SPICE1: variants seen among roughly 807,000 people sequenced by gnomAD.
SPICE1 encodes the protein spindle and centriole associated protein 1.
SPICE1 carries 75 observed loss-of-function variants against 102.7 expected under a neutral mutation model. The ratio of observed to expected loss-of-function variants is 0.73; its 90% CI spans 0.61 to 0.88. The LOEUF is 0.88. Ranked by LOEUF, SPICE1 falls within the 40% of genes least tolerant of loss-of-function variation. The pLI is 0.00. For synonymous variants in SPICE1, 308 were observed against 350.3 expected (o/e 0.88, Z 1.35); for missense variants, 979 against 1,020.1 (o/e 0.96, Z 0.55).
chr3:113,453,794 C>G lies in SPICE1; in HGVS notation c.1814G>C (p.Arg605Thr). Residue 605 changes from arginine (R) to threonine (T), a missense_variant, in exon 14 of 18, where the codon AGA becomes ACA. Coordinates refer to ENST00000295872, the MANE Select transcript of SPICE1 (RefSeq NM_144718.4). ...CAAATCTTCTCCCATGTGAGAGACTCTCCATCTCTGAGTGAAGAGACGATT... is the reference window on the plus strand; with the variant it reads ...CAAATCTTCTCCCATGTGAGAGACTGTCCATCTCTGAGTGAAGAGACGATT... ...EENRLFTQRW[R>T]VSHMGEDLEN... 3 of 1,614,114 alleles carry G rather than the reference C, an allele frequency of 1.9e-6. No individual in the cohort carries two copies. The highest frequency in any genetic ancestry group is 2.5e-6 in the Non-Finnish European group (3 of 1,180,020).
At chr3:113,493,628 T>C (rs1219455391) in intron 5 of SPICE1, among the ~76,000 whole-genome samples, 1 of 152,170 alleles carries the variant, frequency 6.6e-6, no homozygotes, top group Non-Finnish European at 1.5e-5. Flanking sequence ...GAAAAACTAA[T>C]GATGTTTCTA....
At chr3:113,453,279 T>TTGTA (rs1366941229) in intron 14 of SPICE1, among the ~76,000 whole-genome samples, 187 bp downstream of exon 14, 1 of 152,236 alleles carries the variant, frequency 6.6e-6, no homozygotes, top group Non-Finnish European at 1.5e-5. Flanking sequence ...TTATGCTGTC[T>TTGTA]TGTATTGTAT....
chr3:113,481,423 T>A (rs1056946215), intron 7 of SPICE1, among the ~76,000 whole-genome samples: 3 of 151,762 alleles, frequency 2.0e-5, no homozygotes, highest in Non-Finnish European at 2.9e-5. Context: ...TAGTTTTTTT[T>A]TTATTATTAT....
At chr3:113,460,247 A>C (rs1261988666) in intron 12 of SPICE1, 1 of 983,328 alleles carries the variant, frequency 1.0e-6, no homozygotes, top group Non-Finnish European at 1.2e-6. Context: ...CTGGGATTAA[A>C]AGTGCTAGCA....
intron 7 of SPICE1, among the ~76,000 whole-genome samples, chr3:113,471,049 T>C (rs1181969838): frequency 6.6e-6 from 1 of 152,106 alleles, no homozygotes; most frequent in Non-Finnish European, 1.5e-5. Context: ...GCTAATGAGA[T>C]TTAGATGAGA....
intron 16 of SPICE1, 150 bp from the exon 17 acceptor site, chr3:113,446,826 ATTT>A (rs1935527082): frequency 1.5e-6 from 1 of 667,926 alleles, no homozygotes; most frequent in Middle Eastern, 3.5e-4. Flanking sequence ...TTTGTAACTT[ATTT>A]TCACCAACCT....
intron 10 of SPICE1, among the ~76,000 whole-genome samples, chr3:113,467,505 G>A (rs1360302455): frequency 6.6e-6 from 1 of 152,162 alleles, no homozygotes; most frequent in Non-Finnish European, 1.5e-5. Flanking sequence ...TTGAGGCCAG[G>A]CTGGTCTTAA....
intron 1 of SPICE1, among the ~76,000 whole-genome samples, chr3:113,510,841 T>C (rs1937206280): frequency 6.6e-6 from 1 of 152,028 alleles, no homozygotes; most frequent in African/African-American, 2.4e-5. Flanking sequence ...ACCTACAAAA[T>C]GAGAGAAAAA....
chr3:113,472,214 G>A (rs1037284852), intron 7 of SPICE1, among the ~76,000 whole-genome samples: 15 of 152,358 alleles, frequency 9.8e-5, no homozygotes, highest in Admixed American at 2.0e-4. Flanking sequence ...ACTGCAAGGC[G>A]GCAGTGAGGC....
At chr3:113,474,952 C>T (rs149783561) in intron 7 of SPICE1, among the ~76,000 whole-genome samples, 9,054 of 152,092 alleles carry the variant, frequency 0.06, 347 homozygotes, top group African/African-American at 0.1. Context: ...CCGAAGGAAA[C>T]AGAGACACAA....
chr3:113,497,785 C>T (rs1936927856), intron 4 of SPICE1, among the ~76,000 whole-genome samples: 1 of 145,132 alleles, frequency 6.9e-6, no homozygotes, highest in African/African-American at 2.6e-5. Context: ...AATCTCAGCT[C>T]ACTGCAACCC....
chr3:113,484,861 C>T (rs1340870611), intron 7 of SPICE1, among the ~76,000 whole-genome samples: 2 of 152,124 alleles, frequency 1.3e-5, no homozygotes, highest in African/African-American at 4.8e-5. Flanking sequence ...GTGGAGAGTT[C>T]TGTAGATGTC....
At position 113,491,624 on chromosome 3, in the gene SPICE1, CAAAAAAAAA is replaced by C. The variant is rs869171154; in HGVS notation, c.492+1573_492+1581del. Among the ~76,000 whole-genome samples the C allele has an allele frequency of 1.3e-4, 5 of 38,102 alleles. No homozygotes were observed. The South Asian group carries it at 3.8e-3, about 29-fold the overall frequency. 25.0% of individuals were successfully genotyped at this position (38,102 alleles called of 152,430 possible). A position where few individuals can be genotyped will look rare whatever the true frequency, so the allele number is the denominator to read the frequency against. ...TGGGCGACAGAGCGAGACTCCGTCT[CAAAAAAAAA>C]AAAAAAAAAAAAAAAAGATTATCTA... On this transcript the variant is annotated intron_variant, in intron 6 of 17. Transcript: ENST00000295872.
intron 1 of SPICE1, among the ~76,000 whole-genome samples, chr3:113,507,964 G>C (rs567888606): frequency 8.5e-5 from 13 of 152,174 alleles, no homozygotes; most frequent in African/African-American, 3.1e-4. Context: ...ATAGAACAAA[G>C]AGTCTAAAAC....
rs193209184 is a variant in SPICE1, at chr3:113,488,106, A to T, written c.611+839T>A. Among the ~76,000 whole-genome samples, 533 of 152,326 alleles carry T rather than the reference A, an allele frequency of 3.5e-3. 6 individuals are homozygous for T. Among genetic ancestry groups the T allele is most frequent in the East Asian group, 0.022 (112 of 5,176 alleles). ...TCTTCAATCATCCAAAAAACAAAAT[A>T]AACATTACTGTGACAACTGGAGAAA... On this transcript the variant is annotated intron_variant, in intron 7 of 17. Coordinates refer to ENST00000295872, the MANE Select transcript of SPICE1 (RefSeq NM_144718.4).
At chr3:113,465,045 G>T (rs1319324381) in intron 11 of SPICE1, among the ~76,000 whole-genome samples, 1 of 150,782 alleles carries the variant, frequency 6.6e-6, no homozygotes, top group African/African-American at 2.4e-5. Context: ...GGTCCAGGCT[G>T]CAATGAACTC....
chr3:113,511,718 G>A (rs149414912), intron 1 of SPICE1, among the ~76,000 whole-genome samples: 4 of 152,124 alleles, frequency 2.6e-5, no homozygotes, highest in East Asian at 1.9e-4. Context: ...TATGGCACAC[G>A]TTTACCTATG....
chr3:113,448,668 A>G (rs767190796), intron 15 of SPICE1, among the ~76,000 whole-genome samples: 4 of 152,154 alleles, frequency 2.6e-5, no homozygotes, highest in Non-Finnish European at 4.4e-5. Flanking sequence ...TAGGTAATCA[A>G]TCAGCATATT....
rs11329814 is a variant in SPICE1, at chr3:113,444,498, C to CA, written c.*808dup. 0.016 allele frequency: 1,855 copies of CA among 115,636 alleles called. 31 individuals carry two copies. The highest frequency in any genetic ancestry group is 0.037 in the African/African-American group (1,302 of 35,570). The allele number at this position is 115,636 out of a possible 1,614,324, so 7.2% of individuals were successfully genotyped here. On this transcript the variant is annotated 3_prime_UTR_variant, in exon 18 of 18. Transcript: ENST00000295872. ...TGGGCAATAAAGCAAGACTCTGTCTCAAAAAAAAAAAAAAAAGAGAAATCT... is the reference window on the plus strand; with the variant it reads ...TGGGCAATAAAGCAAGACTCTGTCTCAAAAAAAAAAAAAAAAAGAGAAATCT...
Sources: allele counts gnomAD v4.1 joint callset (sites outside exome capture counted in the v4.1 genomes callset), GRCh38; gene constraint gnomAD v4.1.1; transcripts MANE v1.5; gene names NCBI Gene and HGNC (gene_info 2026-07-23, HGNC 2026-07-21).